DIP2C: variants seen among roughly 807,000 people sequenced by gnomAD.
The protein encoded by DIP2C is disco-interacting protein 2 homolog C.
A neutral mutation model predicts 192.4 loss-of-function variants in DIP2C; 33 were observed. The observed-to-expected ratio is 0.17, with a 90% CI of 0.13 to 0.23. DIP2C has a LOEUF of 0.23. Among genes scored for constraint, DIP2C ranks in the 10% least tolerant of loss-of-function variants. The pLI is 1.00. For missense variants in DIP2C, 1,537 were observed against 2,110.1 expected, an observed-to-expected ratio of 0.73 and a Z score of 5.32; for synonymous variants, 979 against 864.1, an observed-to-expected ratio of 1.13 and a Z score of -2.33.
chr10:569,416 T>A (rs919765783), intron 1 of DIP2C, among the ~76,000 whole-genome samples: 1 of 151,568 alleles, frequency 6.6e-6, no homozygotes. Context: ...AGTATTATAG[T>A]AATACAATTT....
intron 14 of DIP2C, among the ~76,000 whole-genome samples, chr10:386,031 G>A (rs1181537884): frequency 6.6e-6 from 1 of 152,192 alleles, no homozygotes; most frequent in East Asian, 1.9e-4. Context: ...CCCGGAGCAC[G>A]GAGCAGGCAG....
chr10:467,056 T>A (rs2062544454), intron 3 of DIP2C, among the ~76,000 whole-genome samples: 1 of 151,516 alleles, frequency 6.6e-6, no homozygotes, highest in Non-Finnish European at 1.5e-5. Flanking sequence ...TGACTATAAA[T>A]CATGCTGCTA....
chr10:524,043 G>A (rs113630152), intron 1 of DIP2C, among the ~76,000 whole-genome samples: 6 of 152,292 alleles, frequency 3.9e-5, no homozygotes, highest in East Asian at 1.9e-4. Flanking sequence ...GCAATGGCCC[G>A]AGGCTGGTTC....
intron 1 of DIP2C, among the ~76,000 whole-genome samples, chr10:657,929 A>G (rs1157404490): frequency 6.7e-6 from 1 of 150,254 alleles, no homozygotes; most frequent in Non-Finnish European, 1.5e-5. Context: ...CTGTCCCTGG[A>G]CCTGCCCCTG....
chr10:397,817 C>CT (rs1196584784), intron 10 of DIP2C, among the ~76,000 whole-genome samples: 1 of 151,820 alleles, frequency 6.6e-6, no homozygotes, highest in Non-Finnish European at 1.5e-5. Flanking sequence ...CCTCAACCAA[C>CT]TGAAGAGACC....
intron 2 of DIP2C, among the ~76,000 whole-genome samples, chr10:481,574 C>A (rs116008819): frequency 6.6e-6 from 1 of 152,242 alleles, no homozygotes; most frequent in South Asian, 2.1e-4. Context: ...ACATGTTACC[C>A]TCTGTCATTT....
chr10:550,642 C>G (rs993796302), intron 1 of DIP2C, among the ~76,000 whole-genome samples: 1 of 152,222 alleles, frequency 6.6e-6, no homozygotes, highest in African/African-American at 2.4e-5. Flanking sequence ...CGTCTGCACT[C>G]TGCCTTCACA....
rs1443870115 is a variant in DIP2C at position 329,598 on chromosome 10, C to G, written c.3588G>C (p.Val1196=). The G allele has an allele frequency of 6.2e-7, 1 of 1,613,788 alleles. No individual in the cohort carries two copies. The highest frequency in any genetic ancestry group is 8.5e-7 in the Non-Finnish European group (1 of 1,179,826). Residue 1196 remains valine, a synonymous_variant, in exon 30 of 37, where the codon GTG becomes GTC. Coordinates refer to ENST00000280886, the MANE Select transcript of DIP2C (RefSeq NM_014974.3). ...LGFVLWCLCS[V]YSGHQSILIP... ...TCAGGATGGACTGGTGCCCAGAATA[C>G]ACACTGCAGAGAAAGAAGAGGCTGT... is the stretch of plus-strand genomic sequence containing the variant.
At chr10:469,315 ATTTTT>A (rs11348709) in intron 3 of DIP2C, among the ~76,000 whole-genome samples, 20 of 102,300 alleles carry the variant, frequency 2.0e-4, no homozygotes, top group South Asian at 3.7e-4. Flanking sequence ...ACTGGTACTG[ATTTTT>A]TTTTTTTTTT....
rs749052010 is a variant in DIP2C, at chr10:329,460, C to A, written c.3726G>T (p.Gly1242=). ...TGAGGGACTCTGTTTGCGAGCCCAG[C>A]CCCTTGGTGCACAGCTCCATCACGG... ...SYSVMELCTK[G]LGSQTESLKA... Residue 1242 remains glycine, a synonymous_variant, in exon 30 of 37, where the codon GGG becomes GGT. Transcript: ENST00000280886. 1.2e-5 allele frequency: 20 copies of A among 1,613,854 alleles called. No homozygotes were observed. Among genetic ancestry groups the A allele is most frequent in the Non-Finnish European group, 1.7e-5 (20 of 1,179,920 alleles).
At chr10:298,264 T>C (rs1227891498) in intron 32 of DIP2C, among the ~76,000 whole-genome samples, 4 of 151,966 alleles carry the variant, frequency 2.6e-5, no homozygotes, top group East Asian at 1.9e-4. Context: ...ACTGGTGAGG[T>C]GTTTTGTAGG....
chr10:462,213 A>G (rs1258898079), intron 3 of DIP2C, among the ~76,000 whole-genome samples: 1 of 151,652 alleles, frequency 6.6e-6, no homozygotes, highest in African/African-American at 2.4e-5. Flanking sequence ...GACACGAAAA[A>G]CTCTTCAAAA....
intron 1 of DIP2C, among the ~76,000 whole-genome samples, chr10:597,923 G>A (rs1015104204): frequency 1.3e-5 from 2 of 152,158 alleles, no homozygotes; most frequent in Non-Finnish European, 2.9e-5. Flanking sequence ...GCCCCCAGGG[G>A]CCAAGGAAAG....
At chr10:281,612 T>G (rs752772778) in intron 35 of DIP2C, among the ~76,000 whole-genome samples, 5 of 152,230 alleles carry the variant, frequency 3.3e-5, no homozygotes, top group Admixed American at 6.5e-5. Flanking sequence ...GTCAACTGCC[T>G]GATTGCATGT....
chr10:665,616 C>T (rs1857041501), intron 1 of DIP2C: 1 of 152,186 alleles, frequency 6.6e-6, no homozygotes, highest in South Asian at 2.1e-4. Flanking sequence ...TCCATGCTTT[C>T]GCCGCCACGT....
chr10:586,918 T>TC (rs1299437457), intron 1 of DIP2C, among the ~76,000 whole-genome samples: 1 of 151,700 alleles, frequency 6.6e-6, no homozygotes, highest in Admixed American at 6.6e-5. Flanking sequence ...ACCACGTGGG[T>TC]CCCCACTGAC....
At position 369,885 on chromosome 10, in the gene DIP2C, G is replaced by A. The variant is rs1960755138; in HGVS notation, c.1992-252C>T. On this transcript the variant is annotated intron_variant, in intron 17 of 36. Coordinates refer to ENST00000280886, the MANE Select transcript of DIP2C (RefSeq NM_014974.3). The stretch of plus-strand genomic sequence containing the variant: ...AGAACACCCGTAAACTACCAACGCA[G>A]CTCCTCTCCTGCCCCCTCTATGCAG... The A allele has an allele frequency of 3.6e-6, 5 of 1,370,838 alleles. No individual in the cohort carries two copies. The African/African-American group carries it at 5.8e-5, about 16-fold the overall frequency. The allele number at this position is 1,370,838 out of a possible 1,614,324, so 84.9% of individuals were successfully genotyped here.
chr10:337,305 G>GTGTGTGTGTTCTGTGGAGGCCTAGGCAGC (rs1957868275), intron 29 of DIP2C, among the ~76,000 whole-genome samples: 11 of 134,996 alleles, frequency 8.1e-5, no homozygotes, highest in East Asian at 6.7e-4. Context: ...AGGCAGCTGT[G>GTGTGTGTGTTCTGTGGAGGCCTAGGCAGC]TGTGTGTGTG....
At chr10:309,888 T>C (rs955927361) in intron 32 of DIP2C, 143 bp downstream of exon 32, 2 of 796,936 alleles carry the variant, frequency 2.5e-6, no homozygotes, top group African/African-American at 3.5e-5. Flanking sequence ...AATGCCTAAC[T>C]CCACCACTTC....
Sources: allele counts gnomAD v4.1 joint callset (sites outside exome capture counted in the v4.1 genomes callset), GRCh38; gene constraint gnomAD v4.1.1; transcripts MANE v1.5; gene names NCBI Gene and HGNC (gene_info 2026-07-23, HGNC 2026-07-21).